ARHGAP15: variants seen among roughly 807,000 people sequenced by gnomAD.
ARHGAP15 encodes rho GTPase-activating protein 15.
A neutral mutation model predicts 63.7 loss-of-function variants in ARHGAP15; 51 were observed. That is an observed-to-expected ratio of 0.80 (90% confidence interval 0.64 to 1.01). The LOEUF (loss-of-function observed/expected upper bound fraction) is 1.01, where lower values mean the gene tolerates loss of function less well. Ranked by LOEUF, ARHGAP15 falls within the 50% of genes least tolerant of loss-of-function variation. ARHGAP15 has a pLI of 0.00. For missense variants in ARHGAP15, 560 were observed against 564.6 expected, an observed-to-expected ratio of 0.99 and a Z score of 0.08; for synonymous variants, 191 against 193.8, an observed-to-expected ratio of 0.99 and a Z score of 0.12.
chr2:143,287,094 C>G (rs1682143529), intron 6 of ARHGAP15, among the ~76,000 whole-genome samples: 1 of 152,106 alleles, frequency 6.6e-6, no homozygotes, highest in Non-Finnish European at 1.5e-5. Flanking sequence ...GTGGAATACT[C>G]AATTGAACAA....
intron 4 of ARHGAP15, 57 bp downstream of exon 4, chr2:143,216,502 A>G (rs1427171837): frequency 7.8e-7 from 1 of 1,280,320 alleles, no homozygotes; most frequent in African/African-American, 1.5e-5. Flanking sequence ...CATATGCTAA[A>G]CTTGTGCCAC....
chr2:143,140,842 T>C (rs1433362953), intron 1 of ARHGAP15, among the ~76,000 whole-genome samples: 5 of 152,180 alleles, frequency 3.3e-5, no homozygotes, highest in Admixed American at 3.3e-4. Context: ...ACCCACGTGC[T>C]GACAAAATGC....
At chr2:143,727,793 C>T (rs1685349944) in intron 13 of ARHGAP15, among the ~76,000 whole-genome samples, 1 of 152,120 alleles carries the variant, frequency 6.6e-6, no homozygotes, top group South Asian at 2.1e-4. Context: ...GTCAAGGAAA[C>T]CAGATTTTTT....
At chr2:143,165,102 T>C (rs189944379) in intron 2 of ARHGAP15, among the ~76,000 whole-genome samples, 4 of 152,196 alleles carry the variant, frequency 2.6e-5, no homozygotes, top group African/African-American at 9.6e-5. Flanking sequence ...GTGATTTCAA[T>C]AAACTTTTTT....
intron 6 of ARHGAP15, among the ~76,000 whole-genome samples, chr2:143,400,330 G>A (rs1157810496): frequency 6.6e-6 from 1 of 151,958 alleles, no homozygotes; most frequent in Non-Finnish European, 1.5e-5. Context: ...TCTACAGGAG[G>A]AGTTTGCACT....
intron 6 of ARHGAP15, among the ~76,000 whole-genome samples, chr2:143,333,165 G>A (rs1051448425): frequency 3.9e-5 from 6 of 152,128 alleles, no homozygotes; most frequent in African/African-American, 1.2e-4. Context: ...AAGCAGGAGA[G>A]AGAGAAAAAT....
At chr2:143,268,158 T>G (rs1014513405) in intron 6 of ARHGAP15, among the ~76,000 whole-genome samples, 1 of 151,604 alleles carries the variant, frequency 6.6e-6, no homozygotes, top group Non-Finnish European at 1.5e-5. Flanking sequence ...CATGGCAAAC[T>G]AATTTTATAG....
intron 8 of ARHGAP15, among the ~76,000 whole-genome samples, chr2:143,441,018 T>C (rs1485075532): frequency 6.6e-6 from 1 of 152,186 alleles, no homozygotes; most frequent in Non-Finnish European, 1.5e-5. Context: ...ATGGGTCTAA[T>C]ACTGTCCTTA....
At chr2:143,147,339 C>CG (rs1333260822) in intron 1 of ARHGAP15, among the ~76,000 whole-genome samples, 2 of 151,986 alleles carry the variant, frequency 1.3e-5, no homozygotes, top group African/African-American at 2.4e-5. Context: ...CCTGTTTTCC[C>CG]TTAATTGATA....
At chr2:143,575,054 A>G (rs1161593333) in intron 11 of ARHGAP15, among the ~76,000 whole-genome samples, 2 of 152,166 alleles carry the variant, frequency 1.3e-5, no homozygotes. Context: ...ACATGCTAAT[A>G]TCCGATCACT....
At chr2:143,745,143 A>C (rs1686112675) in intron 13 of ARHGAP15, among the ~76,000 whole-genome samples, 1 of 152,212 alleles carries the variant, frequency 6.6e-6, no homozygotes, top group Non-Finnish European at 1.5e-5. Flanking sequence ...CTTGCCTCTC[A>C]AGTTCGCAGA....
intron 8 of ARHGAP15, among the ~76,000 whole-genome samples, chr2:143,447,539 A>T (rs1409710036): frequency 6.6e-6 from 1 of 152,132 alleles, no homozygotes; most frequent in Non-Finnish European, 1.5e-5. Context: ...GAGTAATCCT[A>T]GCTGACCTAG....
At chr2:143,628,001 C>T (rs1314441552) in intron 12 of ARHGAP15, among the ~76,000 whole-genome samples, 1 of 151,858 alleles carries the variant, frequency 6.6e-6, no homozygotes, top group Non-Finnish European at 1.5e-5. Context: ...TCTAGTTGTC[C>T]CCAGTGTCTA....
At chr2:143,255,789 G>A (rs1680393350) in intron 6 of ARHGAP15, among the ~76,000 whole-genome samples, 3 of 152,112 alleles carry the variant, frequency 2.0e-5, no homozygotes, top group Admixed American at 1.3e-4. Context: ...ATTCATACAT[G>A]CATTAGATTT....
chr2:143,659,107 A>T (rs1425718217), intron 12 of ARHGAP15, among the ~76,000 whole-genome samples: 1 of 152,176 alleles, frequency 6.6e-6, no homozygotes, highest in Non-Finnish European at 1.5e-5. Context: ...CTCACTGCTC[A>T]TGCAACCTCA....
At chr2:143,760,913 TA>T (rs1425547135) in intron 13 of ARHGAP15, among the ~76,000 whole-genome samples, 2 of 152,156 alleles carry the variant, frequency 1.3e-5, no homozygotes, top group African/African-American at 2.4e-5. Context: ...AACTGGCATA[TA>T]AAAAATGGCT....
intron 3 of ARHGAP15, among the ~76,000 whole-genome samples, chr2:143,204,611 C>T (rs978945351): frequency 7.9e-5 from 12 of 152,066 alleles, no homozygotes; most frequent in Admixed American, 5.2e-4. Context: ...AACAAACATT[C>T]GGTCCATCTC....
At position 143,768,255 on chromosome 2, in the gene ARHGAP15, AT is replaced by A; in HGVS notation, c.*89del. On this transcript the variant is annotated 3_prime_UTR_variant, in exon 14 of 14. Coordinates refer to ENST00000295095, the MANE Select transcript of ARHGAP15 (RefSeq NM_018460.4). ...ATTTCTGTAAACATATTTCTGAAAT[AT>A]TTTTTGCCTTTCAAGCGACAGATGC... 7.1e-7 allele frequency: 1 copy of A among 1,413,964 alleles called. No individual in the cohort carries two copies. Among genetic ancestry groups the A allele is most frequent in the Admixed American group, 2.7e-5 (1 of 37,428 alleles). 87.6% of individuals were successfully genotyped at this position (1,413,964 alleles called of 1,614,324 possible).
At chr2:143,211,845 C>A (rs1485639894) in intron 3 of ARHGAP15, among the ~76,000 whole-genome samples, 1 of 152,008 alleles carries the variant, frequency 6.6e-6, no homozygotes, top group Non-Finnish European at 1.5e-5. Context: ...ATCAAAGAAC[C>A]TAGGAAGCTG....
Sources: allele counts gnomAD v4.1 joint callset (sites outside exome capture counted in the v4.1 genomes callset), GRCh38; gene constraint gnomAD v4.1.1; transcripts MANE v1.5; gene names NCBI Gene and HGNC (gene_info 2026-07-23, HGNC 2026-07-21).